CACNB4: variants seen among roughly 807,000 people sequenced by gnomAD.
The protein encoded by CACNB4 is calcium voltage-gated channel auxiliary subunit beta 4, also known as voltage-dependent L-type calcium channel subunit beta-4.
Under a neutral mutation model 71.2 loss-of-function variants are expected in CACNB4, and 32 were observed. The observed-to-expected ratio is 0.45, with a 90% confidence interval of 0.34 to 0.60. The LOEUF is 0.60. Ranked by LOEUF, CACNB4 falls within the 20% of genes least tolerant of loss-of-function variation. CACNB4 has a pLI of 0.01. For synonymous variants in CACNB4, 231 were observed against 236.9 expected, an observed-to-expected ratio of 0.97 and a Z score of 0.23; for missense variants, 464 against 647.9, an observed-to-expected ratio of 0.72 and a Z score of 3.08.
At chr2:151,980,639 G>C (rs4664514) in intron 2 of CACNB4, among the ~76,000 whole-genome samples, 61,336 of 152,004 alleles carry the variant, frequency 0.4, 13,209 homozygotes, top group East Asian at 0.81. Context: ...TTGCACTTTG[G>C]TTGACAAAAC....
intron 2 of CACNB4, among the ~76,000 whole-genome samples, chr2:152,019,510 G>A (rs1683538963): frequency 6.6e-6 from 1 of 152,136 alleles, no homozygotes; most frequent in Non-Finnish European, 1.5e-5. Flanking sequence ...TGGGTGGATG[G>A]GTGGGTGGGC....
Position 151,834,286 on chromosome 2 carries a change from C to T in CACNB4, c.*4833G>A, listed in dbSNP as rs932869000. 1 of 151,962 alleles carries T rather than the reference C, an allele frequency of 6.6e-6. No individual in the cohort carries two copies. The highest frequency in any genetic ancestry group is 2.4e-5 in the African/African-American group (1 of 41,438). 9.4% of individuals were successfully genotyped at this position (151,962 alleles called of 1,614,324 possible). On this transcript the variant is annotated 3_prime_UTR_variant, in exon 14 of 14. Coordinates refer to ENST00000539935, the MANE Select transcript of CACNB4 (RefSeq NM_000726.5). Reference sequence around the variant, plus strand: ...TAAATTCATTAGTAACATTTTCTACCATCCTTCTGCAAACATTTTACATAC... The same window carrying T: ...TAAATTCATTAGTAACATTTTCTACTATCCTTCTGCAAACATTTTACATAC...
chr2:151,920,865 A>G lies in CACNB4; in HGVS notation c.148-37495T>C, dbSNP rs544911277. 4.4e-4 allele frequency among the ~76,000 whole-genome samples: 67 copies of G among 152,240 alleles called. 2 individuals are homozygous for G. In the South Asian group the frequency reaches 0.01, roughly 24 times the overall value. On this transcript the variant is annotated intron_variant, in intron 2 of 13. Transcript: ENST00000539935. ...TCTTAAAACTTACTTGAGGCCAGGC[A>G]CGGTGACTCACGCCTGTAATCCTAG...
chr2:152,017,713 CAAA>C (rs564691685), intron 2 of CACNB4, among the ~76,000 whole-genome samples: 1 of 144,844 alleles, frequency 6.9e-6, no homozygotes, highest in Non-Finnish European at 1.5e-5. Context: ...GTCTCAACAA[CAAA>C]AAAAAAAAGA....
At chr2:152,007,930 C>T (rs956690403) in intron 2 of CACNB4, among the ~76,000 whole-genome samples, 12 of 152,038 alleles carry the variant, frequency 7.9e-5, no homozygotes, top group African/African-American at 2.7e-4. Flanking sequence ...TGCCACCATG[C>T]CCAGCTAATT....
rs994601503 is a variant in CACNB4 at position 151,836,631 on chromosome 2, A to G, written c.*2488T>C. The G allele has an allele frequency of 9.2e-5, 14 of 151,946 alleles. No individual in the cohort carries two copies. Among genetic ancestry groups the G allele is most frequent in the African/African-American group, 3.4e-4 (14 of 41,446 alleles). The allele number at this position is 151,946 out of a possible 1,614,324, so 9.4% of individuals were successfully genotyped here. A position where few individuals can be genotyped will look rare whatever the true frequency, so the allele number is the denominator to read the frequency against. On this transcript the variant is annotated 3_prime_UTR_variant, in exon 14 of 14. Transcript: ENST00000539935. ...AATGCAAAGCAAAACAGGTATGGAC[A>G]TCTGATGGTAATTGATAGATTGGTT...
chr2:151,864,541 A>G (rs1295375423), intron 9 of CACNB4, among the ~76,000 whole-genome samples: 1 of 152,222 alleles, frequency 6.6e-6, no homozygotes, highest in Non-Finnish European at 1.5e-5. Context: ...AGACAGTATA[A>G]TAATTTTTGA....
At chr2:151,861,801 C>T (rs1257962574) in intron 9 of CACNB4, 1 of 140,918 alleles carries the variant, frequency 7.1e-6, no homozygotes, top group Non-Finnish European at 1.5e-5. Context: ...CGAGATCACG[C>T]CACTGCACTC....
chr2:151,957,967 G>A (rs1361376010), intron 2 of CACNB4, among the ~76,000 whole-genome samples: 1 of 152,108 alleles, frequency 6.6e-6, no homozygotes, highest in Non-Finnish European at 1.5e-5. Flanking sequence ...AATATCTTGG[G>A]GTTAAATAAA....
intron 2 of CACNB4, among the ~76,000 whole-genome samples, chr2:151,922,504 A>C (rs910535422): frequency 6.6e-6 from 1 of 152,224 alleles, no homozygotes; most frequent in African/African-American, 2.4e-5. Context: ...TACCCAGTTA[A>C]TAAGCAACTT....
intron 2 of CACNB4, among the ~76,000 whole-genome samples, chr2:151,889,698 T>A (rs192733020): frequency 1.0e-3 from 157 of 152,266 alleles, no homozygotes; most frequent in African/African-American, 3.5e-3. Flanking sequence ...CATTAGGCTA[T>A]CTTTATCTTG....
At chr2:151,954,850 C>CTTTTTTTTTTTTTTT (rs34054917) in intron 2 of CACNB4, among the ~76,000 whole-genome samples, 1 of 94,924 alleles carries the variant, frequency 1.1e-5, no homozygotes, top group Non-Finnish European at 1.9e-5. Flanking sequence ...CAAGTCAGCA[C>CTTTTTTTTTTTTTTT]TTTTTTTTTT....
At chr2:151,934,528 G>A (rs146797781) in intron 2 of CACNB4, among the ~76,000 whole-genome samples, 110 of 152,324 alleles carry the variant, frequency 7.2e-4, no homozygotes, top group African/African-American at 2.6e-3. Flanking sequence ...AATGACAGAC[G>A]TGAGACTCAG....
At chr2:152,096,098 A>G (rs1259053885) in intron 2 of CACNB4, among the ~76,000 whole-genome samples, 1 of 152,228 alleles carries the variant, frequency 6.6e-6, no homozygotes, top group Non-Finnish European at 1.5e-5. Context: ...TAAATCCCTC[A>G]GTTATTTTTA....
chr2:151,908,852 C>G (rs2099855450), intron 2 of CACNB4, among the ~76,000 whole-genome samples: 1 of 152,024 alleles, frequency 6.6e-6, no homozygotes. Flanking sequence ...ATCCCATGCC[C>G]TAAGTGTTTT....
At chr2:151,920,467 C>A (rs977048772) in intron 2 of CACNB4, among the ~76,000 whole-genome samples, 2 of 151,834 alleles carry the variant, frequency 1.3e-5, no homozygotes, top group Non-Finnish European at 2.9e-5. Context: ...GGACTACAGG[C>A]ACGTGCCACC....
intron 12 of CACNB4, among the ~76,000 whole-genome samples, chr2:151,847,670 C>A (rs1578441581): frequency 6.6e-6 from 1 of 152,154 alleles, no homozygotes; most frequent in South Asian, 2.1e-4. Flanking sequence ...TGCAGGTCAC[C>A]TGAGGTCAGG....
intron 2 of CACNB4, among the ~76,000 whole-genome samples, chr2:152,069,123 G>A (rs997066649): frequency 2.0e-5 from 3 of 152,122 alleles, no homozygotes; most frequent in Non-Finnish European, 2.9e-5. Context: ...TCCCCCTACC[G>A]CTGTCCAGGG....
chr2:151,869,103 A>T, intron 9 of CACNB4, 74 bp downstream of exon 9: 2 of 846,640 alleles, frequency 2.4e-6, no homozygotes, highest in African/African-American at 1.7e-5. Context: ...CTGGAAACAT[A>T]GATCTACAAT....
Sources: gnomAD v4.1 joint callset for allele counts (sites outside exome capture counted in the v4.1 genomes callset) on GRCh38, gnomAD v4.1.1 for gene constraint, MANE v1.5 for transcripts, NCBI Gene and HGNC (gene_info 2026-07-23, HGNC 2026-07-21) for gene names.